The following CPED1 variants were observed in gnomAD, a reference collection of about 807,000 sequenced individuals.
CPED1 encodes the protein cadherin-like and PC-esterase domain-containing protein 1.
In CPED1, 114 loss-of-function variants were observed where a neutral mutation model predicts 128.2. The observed-to-expected ratio is 0.89, with a 90% CI of 0.76 to 1.04. The LOEUF is 1.04. CPED1 is among the 50% of genes least tolerant of loss of function. The pLI is 0.00. For missense variants in CPED1, 1,211 were observed against 1,207.1 expected (o/e 1.00, Z -0.05); for synonymous variants, 462 against 426.7 (o/e 1.08, Z -1.02).
intron 16 of CPED1, among the ~76,000 whole-genome samples, chr7:121,218,518 G>A (rs954116092): frequency 6.6e-6 from 1 of 151,980 alleles, no homozygotes; most frequent in Admixed American, 6.6e-5. Flanking sequence ...CAATTATTTT[G>A]AGTAGGAGTG....
intron 2 of CPED1, among the ~76,000 whole-genome samples, chr7:120,998,897 T>C (rs567522684): frequency 6.6e-6 from 1 of 151,590 alleles, no homozygotes; most frequent in Non-Finnish European, 1.5e-5. Flanking sequence ...TCAGTGCAGA[T>C]AGGAGGAAAG....
chr7:121,277,214 G>A (rs1372617461), intron 22 of CPED1, among the ~76,000 whole-genome samples: 1 of 152,110 alleles, frequency 6.6e-6, no homozygotes, highest in East Asian at 1.9e-4. Flanking sequence ...ATTAGGGAGA[G>A]AAACTGGCAA....
chr7:121,156,993 G>A (rs1796300296), intron 16 of CPED1, among the ~76,000 whole-genome samples: 1 of 152,162 alleles, frequency 6.6e-6, no homozygotes, highest in Admixed American at 6.5e-5. Context: ...TGTATTGTCA[G>A]TTGAATATGT....
At chr7:121,260,907 T>A (rs1482264944) in intron 18 of CPED1, among the ~76,000 whole-genome samples, 1 of 152,080 alleles carries the variant, frequency 6.6e-6, no homozygotes, top group East Asian at 1.9e-4. Flanking sequence ...GATTTTAATT[T>A]TTTTTCTTTT....
chr7:121,045,368 A>C (rs189891659), intron 3 of CPED1, among the ~76,000 whole-genome samples: 3 of 152,316 alleles, frequency 2.0e-5, no homozygotes, highest in Admixed American at 2.0e-4. Flanking sequence ...CTTGTTTGGC[A>C]GACAGGTTTC....
At chr7:121,201,147 G>C (rs910675311) in intron 16 of CPED1, among the ~76,000 whole-genome samples, 1 of 152,070 alleles carries the variant, frequency 6.6e-6, no homozygotes, top group Non-Finnish European at 1.5e-5. Context: ...TCAAGAACCA[G>C]AGCTTAGGGA....
At chr7:120,997,513 T>C (rs1796426878) in intron 2 of CPED1, among the ~76,000 whole-genome samples, 1 of 152,170 alleles carries the variant, frequency 6.6e-6, no homozygotes, top group Admixed American at 6.5e-5. Flanking sequence ...AGCCCTAAAC[T>C]CCAGTACCTC....
chr7:121,152,830 T>C (rs755116805), intron 16 of CPED1, among the ~76,000 whole-genome samples: 1 of 152,220 alleles, frequency 6.6e-6, no homozygotes, highest in African/African-American at 2.4e-5. Flanking sequence ...TGAAGGACTT[T>C]GTAGCATGAA....
chr7:121,294,269 C>G (rs753164944), intron 22 of CPED1, among the ~76,000 whole-genome samples: 2 of 151,960 alleles, frequency 1.3e-5, no homozygotes, highest in African/African-American at 2.4e-5. Context: ...AAGAAATGAA[C>G]CATATATTTG....
rs1363518688 is a variant in CPED1 at position 121,117,036 on chromosome 7, TAC to T, written c.919-7287_919-7286del. 2.2e-4 allele frequency among the ~76,000 whole-genome samples: 32 copies of T among 144,270 alleles called. No individual in the cohort carries two copies. In the South Asian group the frequency reaches 3.4e-3, roughly 16 times the overall value. 94.6% of individuals were successfully genotyped at this position (144,270 alleles called of 152,430 possible). On this transcript the variant is annotated intron_variant, in intron 7 of 22. Transcript: ENST00000310396. The stretch of plus-strand genomic sequence containing the variant: ...TATATATACACACATTATATGTATA[TAC>T]ACACACATATATACACACATTTTAT...
chr7:121,001,703 A>C (rs755360921), intron 2 of CPED1, among the ~76,000 whole-genome samples: 5 of 152,134 alleles, frequency 3.3e-5, no homozygotes, highest in Non-Finnish European at 7.3e-5. Flanking sequence ...TTTCCAAGAG[A>C]AAGGGAAATT....
intron 22 of CPED1, among the ~76,000 whole-genome samples, chr7:121,279,340 A>G (rs1056439554): frequency 6.6e-6 from 1 of 152,064 alleles, no homozygotes; most frequent in South Asian, 2.1e-4. Context: ...AAAATCATGC[A>G]TGAAGTACAG....
At chr7:121,159,503 AT>A (rs1563049815) in intron 16 of CPED1, among the ~76,000 whole-genome samples, 1 of 152,214 alleles carries the variant, frequency 6.6e-6, no homozygotes. Flanking sequence ...ATAAGAAAGA[AT>A]TTGAAGTTAG....
chr7:121,111,262 A>G (rs1795099636), intron 7 of CPED1, among the ~76,000 whole-genome samples: 1 of 152,112 alleles, frequency 6.6e-6, no homozygotes, highest in African/African-American at 2.4e-5. Context: ...TTCTTTTTCC[A>G]TTCACTTCCT....
chr7:121,164,027 T>C (rs2116444143), intron 16 of CPED1, among the ~76,000 whole-genome samples: 1 of 152,356 alleles, frequency 6.6e-6, no homozygotes. Flanking sequence ...AGTCCCAATT[T>C]ACTGCTAGGT....
intron 5 of CPED1, among the ~76,000 whole-genome samples, chr7:121,077,606 A>T (rs934355894): frequency 4.6e-5 from 7 of 151,764 alleles, no homozygotes; most frequent in Non-Finnish European, 8.8e-5. Context: ...TGTTCCAACC[A>T]TATTGTTGAG....
intron 16 of CPED1, among the ~76,000 whole-genome samples, chr7:121,165,281 T>C (rs1442444788): frequency 1.3e-5 from 2 of 152,162 alleles, no homozygotes; most frequent in African/African-American, 4.8e-5. Context: ...AGTAAGTGTT[T>C]TTTCTTGTTT....
At chr7:121,248,205 A>G (rs1798581771) in intron 18 of CPED1, among the ~76,000 whole-genome samples, 1 of 140,054 alleles carries the variant, frequency 7.1e-6, no homozygotes, top group East Asian at 2.0e-4. Flanking sequence ...CAGAGCACTA[A>G]GAGGGATGAC....
chr7:121,253,467 A>G (rs921503090), intron 18 of CPED1, among the ~76,000 whole-genome samples: 3 of 149,116 alleles, frequency 2.0e-5, no homozygotes, highest in African/African-American at 7.6e-5. Context: ...TATAATAATA[A>G]TAAAATAAAA....
Sources: gnomAD v4.1 joint callset for allele counts (sites outside exome capture counted in the v4.1 genomes callset) on GRCh38, gnomAD v4.1.1 for gene constraint, MANE v1.5 for transcripts, NCBI Gene and HGNC (gene_info 2026-07-23, HGNC 2026-07-21) for gene names.